The following XKR9 variants were observed in gnomAD, a reference collection of about 807,000 sequenced individuals.
XKR9 encodes the protein XK-related protein 9.
A neutral mutation model predicts 32.0 loss-of-function variants in XKR9; 32 were observed. That is an observed-to-expected ratio of 1.00 (90% CI 0.76 to 1.34). XKR9 has a LOEUF of 1.34. XKR9 is among the 40% of genes most tolerant of loss of function. The pLI, the probability that XKR9 is intolerant of heterozygous loss-of-function variation, is 0.00. For synonymous variants in XKR9, 168 were observed against 143.4 expected (o/e 1.17, Z -1.22); for missense variants, 546 against 429.7 (o/e 1.27, Z -2.39).
At chr8:70,755,290 A>G (rs1429012889) in intron 2 of XKR9, among the ~76,000 whole-genome samples, 3 of 152,160 alleles carry the variant, frequency 2.0e-5, no homozygotes, top group African/African-American at 7.2e-5. Context: ...GAGAAATAGG[A>G]ACACTTTTAC....
chr8:70,721,332 G>A (rs1273120787), intron 4 of XKR9, among the ~76,000 whole-genome samples: 1 of 151,798 alleles, frequency 6.6e-6, no homozygotes, highest in African/African-American at 2.4e-5. Flanking sequence ...GTTATTTCTT[G>A]TCTTCTGCTA....
At chr8:70,841,711 C>G in the XKR9 span, among the ~76,000 whole-genome samples, 1 of 152,138 alleles carries the variant, frequency 6.6e-6, no homozygotes, top group East Asian at 1.9e-4. Context: ...AAATGTTTCC[C>G]CATGATCAGG....
chr8:70,826,708 A>G, the XKR9 span, among the ~76,000 whole-genome samples: 9 of 152,258 alleles, frequency 5.9e-5, no homozygotes, highest in East Asian at 1.7e-3. Context: ...ATATCCCTGT[A>G]CCATTCTCAA....
chr8:70,869,886 G>A, the XKR9 span, among the ~76,000 whole-genome samples: 3 of 152,136 alleles, frequency 2.0e-5, no homozygotes, highest in Non-Finnish European at 4.4e-5. Context: ...CAGTGGCACT[G>A]GTCTGAGAGG....
the XKR9 span, among the ~76,000 whole-genome samples, chr8:70,978,666 C>T: frequency 6.6e-6 from 1 of 152,098 alleles, no homozygotes; most frequent in African/African-American, 2.4e-5. Context: ...CTGCCCTTAA[C>T]ATTTTGTCCT....
the XKR9 span, among the ~76,000 whole-genome samples, chr8:70,868,135 C>A: frequency 6.6e-6 from 1 of 152,208 alleles, no homozygotes; most frequent in African/African-American, 2.4e-5. Context: ...GCTGCTTTCA[C>A]AGGCTAGCAT....
At chr8:70,855,250 T>TGG in the XKR9 span, among the ~76,000 whole-genome samples, 1 of 151,986 alleles carries the variant, frequency 6.6e-6, no homozygotes, top group African/African-American at 2.4e-5. Flanking sequence ...GACGAATGGT[T>TGG]AACTAGAATA....
At chr8:70,963,915 G>T in the XKR9 span, among the ~76,000 whole-genome samples, 1 of 152,120 alleles carries the variant, frequency 6.6e-6, no homozygotes, top group Non-Finnish European at 1.5e-5. Context: ...CCATTTTGTA[G>T]GTTGTTTACT....
At chr8:70,832,385 CAAAT>C in the XKR9 span, among the ~76,000 whole-genome samples, 1 of 151,900 alleles carries the variant, frequency 6.6e-6, no homozygotes, top group Admixed American at 6.6e-5. Context: ...AAAATAGACA[CAAAT>C]AACGTTTTGA....
downstream of XKR9, among the ~76,000 whole-genome samples, chr8:70,794,326 A>T (rs553444700): frequency 6.6e-6 from 1 of 151,978 alleles, no homozygotes; most frequent in East Asian, 1.9e-4. Flanking sequence ...TTCCCTCTCA[A>T]TCTGGATCCC....
chr8:71,022,585 TG>T, the XKR9 span, among the ~76,000 whole-genome samples: 9 of 152,216 alleles, frequency 5.9e-5, no homozygotes, highest in African/African-American at 2.2e-4. Context: ...TTGACTAAAA[TG>T]TGCTGTGGAG....
At chr8:70,730,168 C>A (rs367811) in intron 4 of XKR9, among the ~76,000 whole-genome samples, 1 of 152,056 alleles carries the variant, frequency 6.6e-6, no homozygotes, top group East Asian at 1.9e-4. Context: ...CCCTTTTTCC[C>A]TGCCATTTAC....
the XKR9 span, among the ~76,000 whole-genome samples, chr8:71,063,250 G>A: frequency 9.5e-3 from 1,447 of 152,244 alleles, 35 homozygotes; most frequent in African/African-American, 0.033. Flanking sequence ...GGTGAGGAGA[G>A]TACAAGTGTG....
chr8:70,705,398 G>T (rs1805685734), intron 3 of XKR9, among the ~76,000 whole-genome samples: 1 of 152,172 alleles, frequency 6.6e-6, no homozygotes, highest in Non-Finnish European at 1.5e-5. Flanking sequence ...TAAAGAGATA[G>T]AATATGGTAG....
the XKR9 span, among the ~76,000 whole-genome samples, chr8:71,053,484 T>C: frequency 6.6e-6 from 1 of 152,180 alleles, no homozygotes; most frequent in Non-Finnish European, 1.5e-5. Flanking sequence ...CAGTGTAATA[T>C]TAGGAAATGG....
At chr8:70,741,001 G>A (rs1806963702) in intron 2 of XKR9, among the ~76,000 whole-genome samples, 1 of 152,240 alleles carries the variant, frequency 6.6e-6, no homozygotes, top group African/African-American at 2.4e-5. Flanking sequence ...TTCAAAAGCT[G>A]TCAGACAGGG....
At chr8:70,746,442 A>G (rs914392910) in intron 2 of XKR9, among the ~76,000 whole-genome samples, 6 of 148,008 alleles carry the variant, frequency 4.1e-5, no homozygotes, top group Non-Finnish European at 4.5e-5. Context: ...ATAGAAATAT[A>G]TAATGTATAA....
At chr8:70,989,329 A>G in the XKR9 span, among the ~76,000 whole-genome samples, 1 of 152,240 alleles carries the variant, frequency 6.6e-6, no homozygotes, top group Admixed American at 6.5e-5. Context: ...TCAATTCGAA[A>G]TAAAATTTAT....
intron 2 of XKR9, among the ~76,000 whole-genome samples, chr8:70,744,469 A>G (rs1284664869): frequency 1.3e-5 from 2 of 152,168 alleles, no homozygotes; most frequent in African/African-American, 4.8e-5. Context: ...AGGCTCATAG[A>G]GTTTAAGTAA....
Sources: gnomAD v4.1 joint callset for allele counts (sites outside exome capture counted in the v4.1 genomes callset) on GRCh38, gnomAD v4.1.1 for gene constraint, MANE v1.5 for transcripts, NCBI Gene and HGNC (gene_info 2026-07-23, HGNC 2026-07-21) for gene names.